MCTP2: variants seen among roughly 807,000 people sequenced by gnomAD.
MCTP2 encodes multiple C2 and transmembrane domain-containing protein 2.
In MCTP2, 132 loss-of-function variants were observed where a neutral mutation model predicts 111.6. The observed-to-expected ratio is 1.18, with a 90% CI of 1.03 to 1.37. The LOEUF (loss-of-function observed/expected upper bound fraction) is 1.37. Ranked by LOEUF, MCTP2 falls within the 40% of genes most tolerant of loss-of-function variation. MCTP2 has a pLI of 0.00. For synonymous variants in MCTP2, 395 were observed against 387.7 expected, an observed-to-expected ratio of 1.02 and a Z score of -0.22; for missense variants, 1,183 against 1,067.9, an observed-to-expected ratio of 1.11 and a Z score of -1.50.
At chr15:94,403,476 A>T (rs1041112712) in intron 17 of MCTP2, among the ~76,000 whole-genome samples, 1 of 152,238 alleles carries the variant, frequency 6.6e-6, no homozygotes, top group Admixed American at 6.5e-5. Context: ...GCACCCAGAC[A>T]GCCACTGTGA....
rs1382369144 is a variant in MCTP2, at chr15:94,242,985, A to ACG, written c.-66+11322_-66+11323dup. On this transcript the variant is annotated intron_variant, in intron 1 of 22. Coordinates refer to ENST00000357742, the MANE Select transcript of MCTP2 (RefSeq NM_001385001.1). ...CGTGTATATGTGTATCTACACATACACGTGTATATGTGTATCTACACATAC... is the reference window on the plus strand; with the variant it reads ...CGTGTATATGTGTATCTACACATACACGCGTGTATATGTGTATCTACACATAC... Among the ~76,000 whole-genome samples the ACG allele has an allele frequency of 3.0e-5, 3 of 98,452 alleles. 1 individual carries two copies. Among genetic ancestry groups the ACG allele is most frequent in the East Asian group, 5.4e-4 (2 of 3,674 alleles). 64.6% of individuals were successfully genotyped at this position (98,452 alleles called of 152,430 possible). A position where few individuals can be genotyped will look rare whatever the true frequency, so the allele number is the denominator to read the frequency against.
intron 19 of MCTP2, among the ~76,000 whole-genome samples, chr15:94,443,872 A>T (rs1378759317): frequency 6.7e-6 from 1 of 149,184 alleles, no homozygotes; most frequent in Non-Finnish European, 1.5e-5. Context: ...ACACAGATGC[A>T]AGTTTCTTAT....
chr15:94,233,608 A>C (rs893820942), intron 1 of MCTP2, among the ~76,000 whole-genome samples: 1 of 152,096 alleles, frequency 6.6e-6, no homozygotes, highest in African/African-American at 2.4e-5. Flanking sequence ...ACACGAATAT[A>C]TATTTTTCCT....
At chr15:94,425,766 T>C (rs557738569) in intron 17 of MCTP2, among the ~76,000 whole-genome samples, 16 of 152,106 alleles carry the variant, frequency 1.1e-4, no homozygotes, top group African/African-American at 3.9e-4. Context: ...AAACTTAAAA[T>C]GTTGAAACTA....
intron 17 of MCTP2, among the ~76,000 whole-genome samples, chr15:94,408,113 T>C (rs986554992): frequency 6.6e-6 from 1 of 152,218 alleles, no homozygotes; most frequent in Non-Finnish European, 1.5e-5. Context: ...GTCACCAGTT[T>C]ACTCACAACG....
At chr15:94,407,336 C>T (rs951632743) in intron 17 of MCTP2, among the ~76,000 whole-genome samples, 1 of 152,162 alleles carries the variant, frequency 6.6e-6, no homozygotes, top group Non-Finnish European at 1.5e-5. Context: ...ATATTTCAGG[C>T]ACACACCTAT....
chr15:94,360,062 C>T (rs2078840653), intron 10 of MCTP2, among the ~76,000 whole-genome samples: 2 of 152,200 alleles, frequency 1.3e-5, no homozygotes, highest in African/African-American at 4.8e-5. Flanking sequence ...TGTGCACACA[C>T]ATGCACACAC....
intron 17 of MCTP2, among the ~76,000 whole-genome samples, chr15:94,428,347 T>G (rs555000535): frequency 4.9e-4 from 74 of 152,326 alleles, no homozygotes; most frequent in African/African-American, 1.7e-3. Flanking sequence ...CCCTGTTGCT[T>G]TGAGGAATAA....
At chr15:94,383,528 T>C (rs1411428333) in intron 12 of MCTP2, among the ~76,000 whole-genome samples, 1 of 152,158 alleles carries the variant, frequency 6.6e-6, no homozygotes, top group Non-Finnish European at 1.5e-5. Context: ...GACTCACAGT[T>C]CCACGTGGCT....
At chr15:94,286,209 T>A (rs558229019) in intron 1 of MCTP2, among the ~76,000 whole-genome samples, 38 of 152,186 alleles carry the variant, frequency 2.5e-4, no homozygotes, top group Admixed American at 5.2e-4. Flanking sequence ...CATAATTAAA[T>A]GCACCAAGGT....
chr15:94,470,745 G>A (rs527537215), intron 21 of MCTP2, among the ~76,000 whole-genome samples: 8 of 151,702 alleles, frequency 5.3e-5, no homozygotes, highest in South Asian at 2.1e-4. Context: ...TGCTGTGCCC[G>A]GGTAACTTTA....
chr15:94,394,407 A>C (rs1402177743), intron 14 of MCTP2, among the ~76,000 whole-genome samples: 1 of 152,184 alleles, frequency 6.6e-6, no homozygotes, highest in African/African-American at 2.4e-5. Flanking sequence ...TTGTTTTAGC[A>C]ATTGAAATGA....
intron 12 of MCTP2, among the ~76,000 whole-genome samples, chr15:94,379,677 CTCATA>C (rs1290489693): frequency 6.7e-6 from 1 of 148,152 alleles, no homozygotes; most frequent in African/African-American, 2.5e-5. Context: ...GCCTCTCTCT[CTCATA>C]TATATACAAA....
intron 19 of MCTP2, among the ~76,000 whole-genome samples, chr15:94,451,980 C>A (rs2084491343): frequency 2.0e-5 from 3 of 152,170 alleles, no homozygotes; most frequent in Admixed American, 2.0e-4. Context: ...ATTTTCTCCA[C>A]ACTCCAATCA....
At chr15:94,402,812 G>A (rs2081668001) in intron 17 of MCTP2, 3 of 1,357,404 alleles carry the variant, frequency 2.2e-6, no homozygotes, top group South Asian at 1.8e-5. Flanking sequence ...TTTCTGTCCT[G>A]TGCAAAGATC....
chr15:94,483,595 A>G lies in MCTP2; in HGVS notation c.*4561A>G, dbSNP rs188404712. On this transcript the variant is annotated 3_prime_UTR_variant, in exon 23 of 23. Coordinates refer to ENST00000357742, the MANE Select transcript of MCTP2 (RefSeq NM_001385001.1). ...TGGAGGCCATTATCCTTAGCAAACT[A>G]ATGCAGCAACAGAAAACCAAATACC... The G allele has an allele frequency of 6.6e-5, 10 of 152,326 alleles. No individual in the cohort carries two copies. The highest frequency in any genetic ancestry group is 2.6e-4 in the Admixed American group (4 of 15,304). 9.4% of individuals were successfully genotyped at this position (152,326 alleles called of 1,614,324 possible). A position where few individuals can be genotyped will look rare whatever the true frequency, so the allele number is the denominator to read the frequency against.
intron 17 of MCTP2, among the ~76,000 whole-genome samples, chr15:94,406,605 TAAAG>T (rs2081907929): frequency 6.6e-6 from 1 of 152,188 alleles, no homozygotes; most frequent in Admixed American, 6.5e-5. Flanking sequence ...AGACCAAAAT[TAAAG>T]AAGCCAAACA....
intron 1 of MCTP2, among the ~76,000 whole-genome samples, chr15:94,279,464 A>AT (rs1342130620): frequency 6.6e-6 from 1 of 151,158 alleles, no homozygotes; most frequent in Non-Finnish European, 1.5e-5. Context: ...TTTTTACTTG[A>AT]TTTTGTATCC....
intron 1 of MCTP2, among the ~76,000 whole-genome samples, chr15:94,242,033 AATT>A (rs1292806620): frequency 6.6e-6 from 1 of 152,128 alleles, no homozygotes; most frequent in African/African-American, 2.4e-5. Flanking sequence ...AAAGGTTCCA[AATT>A]ATTCTCTCCA....
Sources: allele counts gnomAD v4.1 joint callset (sites outside exome capture counted in the v4.1 genomes callset), GRCh38; gene constraint gnomAD v4.1.1; transcripts MANE v1.5; gene names NCBI Gene and HGNC (gene_info 2026-07-23, HGNC 2026-07-21).